STK11IP: variants seen among roughly 807,000 people sequenced by gnomAD.
STK11IP encodes serine/threonine-protein kinase 11-interacting protein.
A neutral mutation model predicts 131.7 loss-of-function variants in STK11IP; 103 were observed. The ratio of observed to expected loss-of-function variants is 0.78; its 90% CI spans 0.67 to 0.92. The LOEUF (loss-of-function observed/expected upper bound fraction) is 0.92. STK11IP is among the 40% of genes least tolerant of loss of function. The pLI is 0.00. For missense variants in STK11IP, 1,315 were observed against 1,385.7 expected (o/e 0.95, Z 0.81); for synonymous variants, 557 against 575.6 (o/e 0.97, Z 0.46).
intron 23 of STK11IP, 111 bp from the exon 24 acceptor site, chr2:219,614,983 C>A: frequency 7.6e-7 from 1 of 1,314,070 alleles, no homozygotes; most frequent in Non-Finnish European, 1.0e-6. Context: ...TGCTTTGTGA[C>A]CCACCTCAGA....
chr2:219,601,885 G>A, intron 4 of STK11IP, 103 bp from the exon 5 acceptor site: 1 of 1,287,946 alleles, frequency 7.8e-7, no homozygotes, highest in Non-Finnish European at 1.1e-6. Context: ...CTAAATCATA[G>A]CTGGGCTTTG....
At position 219,615,102 on chromosome 2, in the gene STK11IP, A is replaced by T. The variant is rs1215565691; in HGVS notation, c.2878A>T (p.Thr960Ser). The T allele has an allele frequency of 6.2e-7, 1 of 1,608,586 alleles. No individual in the cohort carries two copies. The highest frequency in any genetic ancestry group is 2.2e-5 in the East Asian group (1 of 44,796). The change falls in exon 24 of 25, where the codon ACC (threonine) becomes TCC (serine). Residue 960 changes from threonine to serine, a missense_variant. By Grantham distance (58) the Thr-to-Ser change is moderately conservative (BLOSUM62 1). Transcript: ENST00000456909. ...LRAFLVEGPS[T>S]CLVSLLLTPS... ...TGCCTCTTTCCCTGCAGGCCCTTCCACCTGCCTCGTATCCCTGTTGCTGAC... is the reference window on the plus strand; with the variant it reads ...TGCCTCTTTCCCTGCAGGCCCTTCCTCCTGCCTCGTATCCCTGTTGCTGAC...
At position 219,609,584 on chromosome 2, in the gene STK11IP, G is replaced by A. The variant is rs570240858; in HGVS notation, c.2104+44G>A. ...ACCTCTCTGCCCACACGCCTCCCCT[G>A]TTCCAGGGAAAGTGGCTCTGTGTAG... On this transcript the variant is annotated intron_variant, in intron 17 of 24. Transcript: ENST00000456909. 3.9e-5 allele frequency: 60 copies of A among 1,550,304 alleles called. No homozygotes were observed. The South Asian group carries it at 6.9e-4, about 18-fold the overall frequency.
chr2:219,602,624 C>CT, intron 6 of STK11IP, 49 bp downstream of exon 6: 1 of 1,611,632 alleles, frequency 6.2e-7, no homozygotes, highest in Non-Finnish European at 8.5e-7. Flanking sequence ...AAGGCCAGGC[C>CT]TTTGGGGAGG....
At chr2:219,608,988 C>T in intron 15 of STK11IP, 109 bp from the exon 16 acceptor site, 1 of 1,072,282 alleles carries the variant, frequency 9.3e-7, no homozygotes, top group Non-Finnish European at 1.4e-6. Context: ...TCAGTACAGG[C>T]CTTTGACAGG....
Position 219,602,358 on chromosome 2 carries a change from G to T in STK11IP, c.439-110G>T, listed in dbSNP as rs938245365. 7.2e-6 allele frequency: 6 copies of T among 837,296 alleles called. No individual in the cohort carries two copies. The South Asian group carries it at 8.3e-5, about 12-fold the overall frequency. The allele number at this position is 837,296 out of a possible 1,614,324, so 51.9% of individuals were successfully genotyped here. A position where few individuals can be genotyped will look rare whatever the true frequency, so the allele number is the denominator to read the frequency against. On this transcript the variant is annotated intron_variant, in intron 5 of 24. Transcript: ENST00000456909. ...CCTGGGCTTTAAGCCTGTATCTTCA[G>T]ATGGAGTTCAGTGTATAAAAAATGA...
rs957240590 is a variant in STK11IP, at chr2:219,599,965, G to A, written c.62-1270G>A. Among the ~76,000 whole-genome samples the A allele has an allele frequency of 4.0e-5, 6 of 149,786 alleles. No individual in the cohort carries two copies. In the South Asian group the frequency reaches 6.3e-4, roughly 16 times the overall value. On this transcript the variant is annotated intron_variant, in intron 2 of 24. Transcript: ENST00000456909. ...ATTGGCCAGGCTGGTCTTTAACTCCGGACCTCGTGATCCACCCGCCTTGGC... is the reference window on the plus strand; with the variant it reads ...ATTGGCCAGGCTGGTCTTTAACTCCAGACCTCGTGATCCACCCGCCTTGGC...
chr2:219,615,810 G>A (rs964590870), intron 24 of STK11IP: 4 of 715,234 alleles, frequency 5.6e-6, no homozygotes, highest in Non-Finnish European at 1.0e-5. Context: ...CGCATCTTCT[G>A]TACAACAGGG....
Position 219,614,456 on chromosome 2 carries a change from G to A in STK11IP, c.2799-20G>A, listed in dbSNP as rs771388592. ...CCCACCCGCTAGCTGATCTTCCTGT[G>A]CCTGCCATATTCCCTCTAGGCCATT... On this transcript the variant is annotated intron_variant, in intron 22 of 24. Transcript: ENST00000456909. 1 of 1,612,756 alleles carries A rather than the reference G, an allele frequency of 6.2e-7. No individual in the cohort carries two copies. The highest frequency in any genetic ancestry group is 8.5e-7 in the Non-Finnish European group (1 of 1,179,342).
chr2:219,609,823 A>G (rs1698337402), intron 17 of STK11IP: 3 of 355,932 alleles, frequency 8.4e-6, no homozygotes, highest in Admixed American at 3.9e-5. Flanking sequence ...TTATTTTTTC[A>G]TAACTTGAAG....
Position 219,602,041 on chromosome 2 carries a change from G to T in STK11IP, c.396G>T (p.Gln132His), listed in dbSNP as rs201614873. The T allele has an allele frequency of 2.0e-5, 32 of 1,611,274 alleles. No individual in the cohort carries two copies. In the African/African-American group the frequency reaches 3.6e-4, roughly 18 times the overall value. ...ATGGCCTCCGAGGCATCTACTCCCA[G>T]CTGGAGACCCTGATTTGCAGCAGGA... ...CLHGLRGIYS[Q>H]LETLICSRSL... Residue 132 changes from glutamine to histidine, a missense_variant, in exon 5 of 25, where the codon CAG (glutamine) becomes CAT (histidine). Physicochemically the swap from Gln to His is conservative, Grantham distance 24. Coordinates refer to ENST00000456909, the MANE Select transcript of STK11IP (RefSeq NM_052902.4).
At chr2:219,603,544 A>G (rs1291150518) in intron 7 of STK11IP, among the ~76,000 whole-genome samples, 1 of 146,808 alleles carries the variant, frequency 6.8e-6, no homozygotes, top group Non-Finnish European at 1.5e-5. Context: ...TTTTTGAGGC[A>G]GAGTCTTGCT....
Position 219,614,894 on chromosome 2 carries a change from C to T in STK11IP, c.2870-200C>T, listed in dbSNP as rs1052672212. 7.6e-6 allele frequency: 5 copies of T among 654,908 alleles called. No individual in the cohort carries two copies. The East Asian group carries it at 8.2e-5, about 11-fold the overall frequency. The allele number at this position is 654,908 out of a possible 1,614,324, so 40.6% of individuals were successfully genotyped here. A position where few individuals can be genotyped will look rare whatever the true frequency, so the allele number is the denominator to read the frequency against. On this transcript the variant is annotated intron_variant, in intron 23 of 24. Coordinates refer to ENST00000456909, the MANE Select transcript of STK11IP (RefSeq NM_052902.4). ...AGGGTGGGTGTGGGGCAGTGGGGGG[C>T]GGTAGGCCTCAGAGGTATTCCAGAG...
rs1316287895 is a variant in STK11IP, at chr2:219,601,379, C to T, written c.206C>T (p.Ser69Phe). 6.2e-7 allele frequency: 1 copy of T among 1,614,034 alleles called. No individual in the cohort carries two copies. Among genetic ancestry groups the T allele is most frequent in the Non-Finnish European group, 8.5e-7 (1 of 1,179,906 alleles). The part of the protein sequence containing the change: ...FVALPSHPAD[S>F]PVILQLQFLF... ...GCTCTGCCCTCCCATCCTGCCGACT[C>T]CCCTGTTATTCTTCAGCTTCAGTTT... Residue 69 changes from serine to phenylalanine, a missense_variant, in exon 3 of 25, where the codon TCC becomes TTC. Transcript: ENST00000456909.
At chr2:219,598,875 A>G (rs116706389) in intron 2 of STK11IP, among the ~76,000 whole-genome samples, 176 of 152,338 alleles carry the variant, frequency 1.2e-3, no homozygotes, top group African/African-American at 4.0e-3. Context: ...TACCAATTAT[A>G]TGATCTCCAT....
rs1482894788 is a variant in STK11IP at position 219,608,758 on chromosome 2, G to GGCCCAGGCCCAGAGGTC, written c.1791_1807dup (p.Thr603ArgfsTer52). ...TGGAGGCAGCTGAGATAGAGCCGGA[G>GGCCCAGGCCCAGAGGTC]GCCCAGGCCCAGAGGTCGCCCAGGC... On this transcript the variant is annotated frameshift_variant, in exon 15 of 25. Transcript: ENST00000456909. LOFTEE classifies it high-confidence loss of function. 1.9e-6 allele frequency: 3 copies of GGCCCAGGCCCAGAGGTC among 1,609,924 alleles called. No individual in the cohort carries two copies. The highest frequency in any genetic ancestry group is 1.3e-5 in the African/African-American group (1 of 74,990).
intron 17 of STK11IP, chr2:219,610,037 G>A (rs1698343530): frequency 6.0e-6 from 1 of 167,504 alleles, no homozygotes; most frequent in African/African-American, 2.4e-5. Flanking sequence ...TCATGCGCTA[G>A]TCCTTAAAAC....
At chr2:219,606,545 T>C (rs773027221) in intron 11 of STK11IP, 28 bp downstream of exon 11, 42 of 1,611,374 alleles carry the variant, frequency 2.6e-5, no homozygotes. Flanking sequence ...GCGAGGACTG[T>C]TGGGGGAAGA....
chr2:219,609,749 T>G (rs1279715236), intron 17 of STK11IP: 3 of 554,088 alleles, frequency 5.4e-6, no homozygotes, highest in African/African-American at 1.9e-5. Context: ...ATCCTGTTTT[T>G]TTTTTTTTTT....
Sources: allele counts gnomAD v4.1 joint callset (sites outside exome capture counted in the v4.1 genomes callset), GRCh38; gene constraint gnomAD v4.1.1; transcripts MANE v1.5; gene names NCBI Gene and HGNC (gene_info 2026-07-23, HGNC 2026-07-21).